Variants in ERICH3 observed in about 807,000 individuals in gnomAD.
The protein encoded by ERICH3 is glutamate rich 3.
ERICH3 carries 126 observed loss-of-function variants against 131.1 expected under a neutral mutation model. The observed-to-expected ratio is 0.96, with a 90% CI of 0.83 to 1.11. The LOEUF (loss-of-function observed/expected upper bound fraction) is 1.11. Ranked by LOEUF, ERICH3 falls within the 50% of genes most tolerant of loss-of-function variation. ERICH3 has a pLI of 0.00. For missense variants in ERICH3, 2,050 were observed against 1,810.7 expected (o/e 1.13, Z -2.40); for synonymous variants, 695 against 644.6 (o/e 1.08, Z -1.18).
chr1:74,599,292 C>G (rs1648006113), intron 11 of ERICH3, among the ~76,000 whole-genome samples: 1 of 151,770 alleles, frequency 6.6e-6, no homozygotes, highest in Admixed American at 6.6e-5. Context: ...TTATGTTCCT[C>G]TTTCATTAGG....
intron 9 of ERICH3, among the ~76,000 whole-genome samples, chr1:74,609,340 T>C (rs1236518522): frequency 6.6e-6 from 1 of 152,028 alleles, no homozygotes; most frequent in Admixed American, 6.6e-5. Flanking sequence ...CTTTTTCTCA[T>C]CACAAATGTT....
chr1:74,648,003 G>T (rs1646499978), intron 2 of ERICH3, among the ~76,000 whole-genome samples: 1 of 152,100 alleles, frequency 6.6e-6, no homozygotes, highest in South Asian at 2.1e-4. Context: ...AGAACCACCT[G>T]CAGGGCTTGT....
chr1:74,573,526 A>C (rs1646998859), intron 13 of ERICH3, 35 bp from the exon 14 acceptor site: 1 of 1,482,528 alleles, frequency 6.7e-7, no homozygotes, highest in Admixed American at 2.6e-5. Flanking sequence ...AGATTACTTT[A>C]ATCCAAGCGA....
In ERICH3 at chr1:74,568,277, T is replaced by C. The variant is rs1235028399; in HGVS notation, c.*2181A>G. ...TTTCACAGTTAAATTCACATGCAGA[T>C]TGTAAAATTATGTTATGGGATGTTT... On this transcript the variant is annotated 3_prime_UTR_variant, in exon 15 of 15. Coordinates refer to ENST00000326665, the MANE Select transcript of ERICH3 (RefSeq NM_001002912.5). The C allele has an allele frequency of 6.6e-6, 1 of 152,168 alleles. No homozygotes were observed. The highest frequency in any genetic ancestry group is 2.4e-5 in the African/African-American group (1 of 41,446). The allele number at this position is 152,168 out of a possible 1,614,324, so 9.4% of individuals were successfully genotyped here. A position where few individuals can be genotyped will look rare whatever the true frequency, so the allele number is the denominator to read the frequency against.
rs2100666234 is a variant in ERICH3 at position 74,673,637 on chromosome 1, G to A, written c.-118C>T. ...GGGTGGCTCCGCACCGAGGTCCCCT[G>A]TGCGCGGGCACCTGGGCTGGGCCGC... On this transcript the variant is annotated 5_prime_UTR_variant, in exon 1 of 15. Transcript: ENST00000326665. 1.7e-6 allele frequency: 2 copies of A among 1,168,778 alleles called. No individual in the cohort carries two copies. The highest frequency in any genetic ancestry group is 3.2e-5 in the African/African-American group (2 of 62,230). The allele number at this position is 1,168,778 out of a possible 1,614,324, so 72.4% of individuals were successfully genotyped here. A position where few individuals can be genotyped will look rare whatever the true frequency, so the allele number is the denominator to read the frequency against.
chr1:74,595,494 T>C (rs928642953), intron 11 of ERICH3, among the ~76,000 whole-genome samples: 4 of 152,036 alleles, frequency 2.6e-5, no homozygotes, highest in Admixed American at 2.0e-4. Flanking sequence ...AGGAGGAGAA[T>C]AAAATAAAAT....
chr1:74,657,654 T>G (rs1646598049), intron 1 of ERICH3, among the ~76,000 whole-genome samples: 1 of 152,156 alleles, frequency 6.6e-6, no homozygotes, highest in African/African-American at 2.4e-5. Flanking sequence ...TGGTTTGAAG[T>G]GACTAGTAAA....
chr1:74,593,566 A>G lies in ERICH3; in HGVS notation c.1727-3486T>C, dbSNP rs188206024. Among the ~76,000 whole-genome samples the G allele has an allele frequency of 2.0e-4, 31 of 152,220 alleles. 1 individual carries two copies. The highest frequency in any genetic ancestry group is 2.0e-3 in the Admixed American group (31 of 15,262). On this transcript the variant is annotated intron_variant, in intron 11 of 14. Transcript: ENST00000326665. ...TCTTTATAGTCTTTTTTCCTCTATG[A>G]CATCATACATGTAGCATATTCTAAT...
chr1:74,653,092 T>C (rs1305803619), intron 1 of ERICH3, among the ~76,000 whole-genome samples: 1 of 152,004 alleles, frequency 6.6e-6, no homozygotes, highest in Non-Finnish European at 1.5e-5. Flanking sequence ...TAACCCTGCC[T>C]CCCACCATGT....
intron 5 of ERICH3, among the ~76,000 whole-genome samples, chr1:74,638,684 T>C (rs1646412407): frequency 6.6e-6 from 1 of 152,054 alleles, no homozygotes; most frequent in Non-Finnish European, 1.5e-5. Context: ...TGTAGATGTA[T>C]GTCTCAGTTT....
At chr1:74,573,886 A>G (rs2100517078) in intron 13 of ERICH3, among the ~76,000 whole-genome samples, 1 of 152,222 alleles carries the variant, frequency 6.6e-6, no homozygotes, top group South Asian at 2.1e-4. Flanking sequence ...TCACATACAT[A>G]CAAGCTTCCT....
At chr1:74,645,052 T>C (rs1450085602) in intron 3 of ERICH3, among the ~76,000 whole-genome samples, 1 of 152,000 alleles carries the variant, frequency 6.6e-6, no homozygotes, top group Non-Finnish European at 1.5e-5. Flanking sequence ...TGGAACACCT[T>C]TCCCACATTT....
In ERICH3 at chr1:74,572,067, C is replaced by G; in HGVS notation, c.3643G>C (p.Ala1215Pro). 1 of 1,614,192 alleles carries G rather than the reference C, an allele frequency of 6.2e-7. No homozygotes were observed. Among genetic ancestry groups the G allele is most frequent in the Non-Finnish European group, 8.5e-7 (1 of 1,180,038 alleles). The change falls in exon 14 of 15, where the codon GCC (alanine) becomes CCC (proline). Residue 1215 changes from alanine (A) to proline (P), a missense_variant. Ala to Pro is a conservative substitution (Grantham distance 27, BLOSUM62 -1). Coordinates refer to ENST00000326665, the MANE Select transcript of ERICH3 (RefSeq NM_001002912.5). ...KEGHRQDGEGALAAPEAEPAG... is the reference protein window; with the variant it reads ...KEGHRQDGEGPLAAPEAEPAG... ...GGCTCAGCTTCAGGAGCTGCTAAGG[C>G]CCCCTCTCCATCTTGGCGGTGCCCT...
chr1:74,655,157 G>C (rs1646572653), intron 1 of ERICH3, among the ~76,000 whole-genome samples: 1 of 152,016 alleles, frequency 6.6e-6, no homozygotes, highest in South Asian at 2.1e-4. Context: ...TTCCTCAAAA[G>C]CATACTTGTT....
chr1:74,627,830 A>G (rs1433957795), intron 7 of ERICH3, among the ~76,000 whole-genome samples: 1 of 152,162 alleles, frequency 6.6e-6, no homozygotes, highest in African/African-American at 2.4e-5. Context: ...AGAAAAATGT[A>G]TGTTATGAAT....
rs749480108 is a variant in ERICH3 at position 74,572,648 on chromosome 1, T to TC, written c.3061dup (p.Glu1021GlyfsTer17). The TC allele has an allele frequency of 1.9e-6, 3 of 1,613,972 alleles. No homozygotes were observed. In the East Asian group the frequency reaches 6.7e-5, roughly 36 times the overall value. On this transcript the variant is annotated frameshift_variant, in exon 14 of 15. Transcript: ENST00000326665. LOFTEE classifies it high-confidence loss of function. ...CACATCTTCCTTGCAAAGGAAGGCT[T>TC]CCTTTGCAAGGCTTCCTTCCTCAGG... is the stretch of plus-strand genomic sequence containing the variant.
In ERICH3 at chr1:74,572,293, G is replaced by A. The variant is rs1428242746; in HGVS notation, c.3417C>T (p.Asp1139=). The change falls in exon 14 of 15, where the codon GAC becomes GAT. Residue 1139 remains aspartate (D), a synonymous_variant. Transcript: ENST00000326665. ...AATCTTCTCCTAGAAGCCCTGGATT[G>A]TCAGACAACTCAGAAGCCTCCACAG... ...EAPVEASELS[D]NPGLLGEDSL... The A allele has an allele frequency of 1.9e-6, 3 of 1,614,020 alleles. No homozygotes were observed. The highest frequency in any genetic ancestry group is 8.5e-7 in the Non-Finnish European group (1 of 1,180,012).
intron 11 of ERICH3, among the ~76,000 whole-genome samples, chr1:74,596,818 C>A (rs990609814): frequency 6.6e-6 from 1 of 151,868 alleles, no homozygotes; most frequent in East Asian, 1.9e-4. Context: ...CATTCCTAAA[C>A]CAGGGTCCTC....
chr1:74,666,241 A>G (rs525330), intron 1 of ERICH3, among the ~76,000 whole-genome samples: 123 of 152,278 alleles, frequency 8.1e-4, no homozygotes, highest in African/African-American at 2.7e-3. Flanking sequence ...TAACCATACA[A>G]AAGAGACAAG....
Sources: gnomAD v4.1 joint callset for allele counts (sites outside exome capture counted in the v4.1 genomes callset) on GRCh38, gnomAD v4.1.1 for gene constraint, MANE v1.5 for transcripts, NCBI Gene and HGNC (gene_info 2026-07-23, HGNC 2026-07-21) for gene names.